MAMDC4: variants seen among roughly 807,000 people sequenced by gnomAD.
MAMDC4 encodes the protein apical endosomal glycoprotein.
In MAMDC4, 168 loss-of-function variants were observed where a neutral mutation model predicts 153.3. The observed-to-expected ratio is 1.10, with a 90% CI of 0.97 to 1.25. The LOEUF (loss-of-function observed/expected upper bound fraction) is 1.25. Among genes scored for constraint, MAMDC4 ranks in the 50% most tolerant of loss-of-function variants. The probability of loss-of-function intolerance (pLI) is 0.00; values close to 1 mark genes in which losing one functional copy is unlikely to be tolerated. For missense variants in MAMDC4, 1,701 were observed against 1,542.8 expected, an observed-to-expected ratio of 1.10 and a Z score of -1.72; for synonymous variants, 744 against 651.5, an observed-to-expected ratio of 1.14 and a Z score of -2.16.
Position 136,854,990 on chromosome 9 carries a change from C to T in MAMDC4, c.1077C>T (p.Phe359=). Residue 359 remains phenylalanine, a synonymous_variant, in exon 10 of 27, where the codon TTC becomes TTT. Transcript: ENST00000317446. ...CTGAGGCTGGCTGCCTCCAGCTGTT[C>T]CTGCAGACTCTGGGGCCCGGCGCCC... The part of the protein sequence containing the change: ...SGSEAGCLQL[F]LQTLGPGAPR... 1 of 1,604,314 alleles carries T rather than the reference C, an allele frequency of 6.2e-7. No homozygotes were observed. The highest frequency in any genetic ancestry group is 8.5e-7 in the Non-Finnish European group (1 of 1,176,978).
chr9:136,856,361 G>GC (rs1352463122), intron 14 of MAMDC4: 1 of 920,084 alleles, frequency 1.1e-6, no homozygotes, highest in East Asian at 2.4e-5. Flanking sequence ...CCTTCTAGGG[G>GC]CCCGCCGCCG....
Position 136,859,042 on chromosome 9 carries a change from G to C in MAMDC4, c.2994G>C (p.Gln998His). Residue 998 changes from glutamine to histidine, a missense_variant, in exon 24 of 27, where the codon CAG becomes CAC. By Grantham distance (24) the Gln-to-His change is conservative. Coordinates refer to ENST00000317446, the MANE Select transcript of MAMDC4 (RefSeq NM_206920.3). Reference protein sequence around the residue: ...GELKVLLHSAQGQLAVWGAGG... With the variant: ...GELKVLLHSAHGQLAVWGAGG... ...TGAAGGTACTGCTGCACAGTGCTCA[G>C]GGCCAGCTGGCTGTGTGGGGCGCAG... 1 of 1,554,228 alleles carries C rather than the reference G, an allele frequency of 6.4e-7. No individual in the cohort carries two copies. Among genetic ancestry groups the C allele is most frequent in the Non-Finnish European group, 8.7e-7 (1 of 1,148,498 alleles).
Position 136,853,448 on chromosome 9 carries a change from C to T in MAMDC4, c.318C>T (p.Gly106=), listed in dbSNP as rs201575017. ...GGCCTCACTCAGACCACACACTGGG[C>T]ACCGACTTGGGTGAGGCCAGGGCAA... The part of the protein sequence containing the change: ...GPGPHSDHTL[G]TDLGWYMAVG... Residue 106 remains glycine, a synonymous_variant, in exon 3 of 27, where the codon GGC becomes GGT. Coordinates refer to ENST00000317446, the MANE Select transcript of MAMDC4 (RefSeq NM_206920.3). The T allele has an allele frequency of 4.4e-6, 7 of 1,602,224 alleles. No homozygotes were observed. The Admixed American group carries it at 5.0e-5, about 12-fold the overall frequency.
chr9:136,853,809 GGCGCAGAGACCCTGACCCTGTGGCAGA>G lies in MAMDC4; in HGVS notation c.490_516del (p.Ala164_Ser172del). The G allele has an allele frequency of 6.2e-7, 1 of 1,612,052 alleles. No homozygotes were observed. Among genetic ancestry groups the G allele is most frequent in the Non-Finnish European group, 8.5e-7 (1 of 1,179,622 alleles). The stretch of plus-strand genomic sequence containing the variant: ...TGAACTGCGGGTGGAGCTGACCCAT[GGCGCAGAGACCCTGACCCTGTGGCAGA>G]GCACAGGGCCCTGGGGCCCTGGCTG... On this transcript the variant is annotated inframe_deletion, in exon 5 of 27. Transcript: ENST00000317446.
In MAMDC4 at chr9:136,857,710, CG is replaced by C. The variant is rs760400698; in HGVS notation, c.2380del (p.Ala794ProfsTer3). 494 of 1,612,622 alleles carry C rather than the reference CG, an allele frequency of 3.1e-4. No individual in the cohort carries two copies. Among genetic ancestry groups the C allele is most frequent in the Non-Finnish European group, 4.0e-4 (471 of 1,179,844 alleles). On this transcript the variant is annotated frameshift_variant, in exon 19 of 27. Coordinates refer to ENST00000317446, the MANE Select transcript of MAMDC4 (RefSeq NM_206920.3). LOFTEE classifies it high-confidence loss of function. ...TSPDALPRGQTASLTSKEHRP... is the reference protein window; with the variant it reads ...TSPDALPRGQXASLTSKEHRP... Reference sequence around the variant, plus strand: ...CCAGACGCACTACCCCGGGGCCAGACGGCCTCCCTGACCTCCAAGGAGCACA... The same window carrying C: ...CCAGACGCACTACCCCGGGGCCAGACGCCTCCCTGACCTCCAAGGAGCACA...
At position 136,855,312 on chromosome 9, in the gene MAMDC4, T is replaced by C; in HGVS notation, c.1256T>C (p.Leu419Pro). 1 of 1,607,702 alleles carries C rather than the reference T, an allele frequency of 6.2e-7. No individual in the cohort carries two copies. The highest frequency in any genetic ancestry group is 1.1e-5 in the South Asian group (1 of 90,432). Residue 419 changes from leucine (L) to proline (P), a missense_variant, in exon 11 of 27, where the codon CTG (leucine) becomes CCG (proline). Leu to Pro is a moderately conservative substitution (Grantham distance 98). Coordinates refer to ENST00000317446, the MANE Select transcript of MAMDC4 (RefSeq NM_206920.3). ...GGVVGLDDLI[L>P]SDHCRPVSEV... Reference sequence around the variant, plus strand: ...GTCGTGGGTCTGGACGACCTCATCCTGTCTGACCACTGCAGACCAGTCTCG... The same window carrying C: ...GTCGTGGGTCTGGACGACCTCATCCCGTCTGACCACTGCAGACCAGTCTCG...
intron 26 of MAMDC4, 26 bp from the exon 27 acceptor site, chr9:136,860,532 GAAAA>G (rs753811450): frequency 6.9e-6 from 11 of 1,589,360 alleles, no homozygotes; most frequent in Middle Eastern, 3.3e-4. Context: ...AGGAAAGAAA[GAAAA>G]AAAAAGCTCC....
Position 136,853,333 on chromosome 9 carries a change from T to TCGA in MAMDC4, c.204_206dup (p.Phe68_Glu69insAsp). 6.2e-7 allele frequency: 1 copy of TCGA among 1,605,952 alleles called. No homozygotes were observed. Among genetic ancestry groups the TCGA allele is most frequent in the Non-Finnish European group, 8.5e-7 (1 of 1,175,032 alleles). On this transcript the variant is annotated inframe_insertion, in exon 3 of 27. Coordinates refer to ENST00000317446, the MANE Select transcript of MAMDC4 (RefSeq NM_206920.3). Reference sequence around the variant, plus strand: ...CTGGGCGCCCCCTTCGCCTGTGACTTCGAGCAGGACCCCTGCGGCTGGCGG... The same window carrying TCGA: ...CTGGGCGCCCCCTTCGCCTGTGACTTCGACGAGCAGGACCCCTGCGGCTGGCGG...
rs1405228372 is a variant in MAMDC4 at position 136,854,010 on chromosome 9, C to G, written c.604C>G (p.Arg202Gly). 2 of 1,612,774 alleles carry G rather than the reference C, an allele frequency of 1.2e-6. No individual in the cohort carries two copies. Among genetic ancestry groups the G allele is most frequent in the Non-Finnish European group, 8.5e-7 (1 of 1,179,940 alleles). ...TCTTCAGGTGACCTTCTCTGCCACC[C>G]GAAATGCCACCCACAGGGGCGCTGT... Reference protein sequence around the residue: ...GDFRVTFSATRNATHRGAVAL... With the variant: ...GDFRVTFSATGNATHRGAVAL... Residue 202 changes from arginine to glycine, a missense_variant, in exon 6 of 27, where the codon CGA becomes GGA. Transcript: ENST00000317446.
Position 136,860,698 on chromosome 9 carries a change from C to T in MAMDC4, c.*95C>T. 5.8e-6 allele frequency: 8 copies of T among 1,372,470 alleles called. No individual in the cohort carries two copies. The highest frequency in any genetic ancestry group is 8.2e-6 in the Non-Finnish European group (8 of 969,732). 85.0% of individuals were successfully genotyped at this position (1,372,470 alleles called of 1,614,324 possible). On this transcript the variant is annotated 3_prime_UTR_variant, in exon 27 of 27. Transcript: ENST00000317446. Reference sequence around the variant, plus strand: ...GACACCTGCCCCGCCCAGGCTGGGACAGGCTGCAGGTCTCAGGATATGCTG... The same window carrying T: ...GACACCTGCCCCGCCCAGGCTGGGATAGGCTGCAGGTCTCAGGATATGCTG...
chr9:136,854,411 G>A, intron 7 of MAMDC4, 75 bp downstream of exon 7: 3 of 1,495,510 alleles, frequency 2.0e-6, no homozygotes. Flanking sequence ...ACTCATCCAG[G>A]AGGGGGTGCC....
chr9:136,858,764 G>T lies in MAMDC4; in HGVS notation c.2867G>T (p.Arg956Leu), dbSNP rs751880878. 1 of 1,611,000 alleles carries T rather than the reference G, an allele frequency of 6.2e-7. No individual in the cohort carries two copies. Among genetic ancestry groups the T allele is most frequent in the South Asian group, 1.1e-5 (1 of 90,988 alleles). The change falls in exon 23 of 27, where the codon CGG becomes CTG. Residue 956 changes from arginine (R) to leucine (L), a missense_variant. Arg to Leu is a moderately radical substitution (Grantham distance 102, BLOSUM62 -2). Transcript: ENST00000317446. ...FETGVLGPGG[R>L]AAWLRSEPLP... ...ACTGGCGTGCTGGGCCCCGGGGGCC[G>T]GGCCGCCTGGCTGCGCAGCGAGCCT...
Position 136,860,723 on chromosome 9 carries a change from G to A in MAMDC4, c.*120G>A. On this transcript the variant is annotated 3_prime_UTR_variant, in exon 27 of 27. Coordinates refer to ENST00000317446, the MANE Select transcript of MAMDC4 (RefSeq NM_206920.3). ...CAGGCTGCAGGTCTCAGGATATGCT[G>A]AGGCCTGGGCGTTCCCTGCCCTGTG... 9.0e-7 allele frequency: 1 copy of A among 1,109,830 alleles called. No homozygotes were observed. Among genetic ancestry groups the A allele is most frequent in the Non-Finnish European group, 1.3e-6 (1 of 748,750 alleles). 68.7% of individuals were successfully genotyped at this position (1,109,830 alleles called of 1,614,324 possible). A position where few individuals can be genotyped will look rare whatever the true frequency, so the allele number is the denominator to read the frequency against.
Position 136,853,153 on chromosome 9 carries a change from A to G in MAMDC4, c.98A>G (p.Gln33Arg). ...CCCAACCACTGCAGGAGCCCTGGCC[A>G]GGCCGTGTGCAACTTCGTGTGTGAC... The part of the protein sequence containing the change: ...WVPNHCRSPG[Q>R]AVCNFVCDCR... The change falls in exon 2 of 27, where the codon CAG becomes CGG. Residue 33 changes from glutamine (Q) to arginine (R), a missense_variant. Transcript: ENST00000317446. 2 of 1,612,800 alleles carry G rather than the reference A, an allele frequency of 1.2e-6. No individual in the cohort carries two copies. Among genetic ancestry groups the G allele is most frequent in the Non-Finnish European group, 1.7e-6 (2 of 1,179,964 alleles).
intron 1 of MAMDC4, among the ~76,000 whole-genome samples, chr9:136,852,731 C>T (rs1188756372): frequency 1.3e-5 from 2 of 152,218 alleles, no homozygotes; most frequent in Non-Finnish European, 2.9e-5. Flanking sequence ...TGCCAGCCTT[C>T]ATCTGCCACC....
chr9:136,859,355 C>A (rs750542539), intron 25 of MAMDC4, 38 bp downstream of exon 25: 1 of 1,559,020 alleles, frequency 6.4e-7, no homozygotes, highest in Non-Finnish European at 8.7e-7. Context: ...GGAGGAGGGC[C>A]CAAGGGGCCA....
chr9:136,855,550 T>C lies in MAMDC4; in HGVS notation c.1402T>C (p.Cys468Arg). ...GGGGCATCTTGCCTGCGGGGACCTG[T>C]GTGTGCCCCCGGAACAACTGTGTGA... ...KQGHLACGDL[C>R]VPPEQLCDFE... Residue 468 changes from cysteine to arginine, a missense_variant, in exon 12 of 27, where the codon TGT (cysteine) becomes CGT (arginine). Transcript: ENST00000317446. 1 of 1,591,772 alleles carries C rather than the reference T, an allele frequency of 6.3e-7. No individual in the cohort carries two copies. Among genetic ancestry groups the C allele is most frequent in the Non-Finnish European group, 8.6e-7 (1 of 1,169,464 alleles).
intron 1 of MAMDC4, 64 bp downstream of exon 1, chr9:136,852,526 G>A: frequency 1.9e-6 from 3 of 1,577,588 alleles, no homozygotes; most frequent in African/African-American, 1.3e-5. Context: ...CCTACCATCT[G>A]TGTGGCAGTG....
Position 136,857,742 on chromosome 9 carries a change from C to G in MAMDC4, c.2410C>G (p.Leu804Val). The G allele has an allele frequency of 6.2e-7, 1 of 1,612,676 alleles. No individual in the cohort carries two copies. The highest frequency in any genetic ancestry group is 8.5e-7 in the Non-Finnish European group (1 of 1,179,882). ...CCTGACCTCCAAGGAGCACAGGCCC[C>G]TGGCCCAGCCTGCTTGTCTGACCTT... ...ASLTSKEHRP[L>V]AQPACLTFWY... The change falls in exon 19 of 27, where the codon CTG (leucine) becomes GTG (valine). Residue 804 changes from leucine to valine, a missense_variant. Transcript: ENST00000317446.
Sources: gnomAD v4.1 joint callset for allele counts (sites outside exome capture counted in the v4.1 genomes callset) on GRCh38, gnomAD v4.1.1 for gene constraint, MANE v1.5 for transcripts, NCBI Gene and HGNC (gene_info 2026-07-23, HGNC 2026-07-21) for gene names.